GPM6A: variants seen among roughly 807,000 people sequenced by gnomAD.
GPM6A encodes the protein glycoprotein M6A.
In GPM6A, 7 loss-of-function variants were observed where a neutral mutation model predicts 32.1. That is an observed-to-expected ratio of 0.22 (90% confidence interval 0.12 to 0.41). The LOEUF is 0.41. Ranked by LOEUF, GPM6A falls within the 10% of genes least tolerant of loss-of-function variation. The pLI is 1.00. For synonymous variants in GPM6A, 130 were observed against 123.4 expected (o/e 1.05, Z -0.35); for missense variants, 235 against 347.2 (o/e 0.68, Z 2.57).
intron 1 of GPM6A, among the ~76,000 whole-genome samples, chr4:175,799,121 G>A (rs1324592244): frequency 6.6e-6 from 1 of 151,792 alleles, no homozygotes; most frequent in African/African-American, 2.4e-5. Flanking sequence ...CTTTCCCAAC[G>A]TGGCTTTAAA....
intron 1 of GPM6A, among the ~76,000 whole-genome samples, chr4:175,928,618 G>A (rs1738925660): frequency 6.6e-6 from 1 of 152,228 alleles, no homozygotes; most frequent in African/African-American, 2.4e-5. Context: ...GCCCAACGAA[G>A]TGGGCGCTGC....
intron 1 of GPM6A, among the ~76,000 whole-genome samples, chr4:175,875,010 G>A (rs549910203): frequency 6.6e-6 from 1 of 152,292 alleles, no homozygotes; most frequent in Admixed American, 6.5e-5. Context: ...CTATGTGCCT[G>A]CCTCCAATTA....
intron 1 of GPM6A, among the ~76,000 whole-genome samples, chr4:175,771,561 A>C (rs1007213904): frequency 6.6e-6 from 1 of 151,826 alleles, no homozygotes; most frequent in African/African-American, 2.4e-5. Flanking sequence ...CAAAAAAAAA[A>C]AAAAAAAAAG....
chr4:175,822,712 C>A (rs191684568), intron 1 of GPM6A, among the ~76,000 whole-genome samples: 1 of 150,674 alleles, frequency 6.6e-6, no homozygotes, highest in African/African-American at 2.4e-5. Flanking sequence ...TGCAGAACTG[C>A]AGGTTTGTTA....
chr4:175,643,640 G>A (rs762545652), intron 4 of GPM6A, among the ~76,000 whole-genome samples: 44 of 152,090 alleles, frequency 2.9e-4, no homozygotes, highest in Middle Eastern at 3.4e-3. Context: ...CCAACTCACC[G>A]CCCACCAAGG....
intron 1 of GPM6A, among the ~76,000 whole-genome samples, chr4:175,969,872 T>C (rs1381820698): frequency 2.0e-5 from 3 of 152,166 alleles, no homozygotes; most frequent in African/African-American, 7.2e-5. Context: ...TCTATTAATC[T>C]AAAATGGCTC....
chr4:175,651,744 C>A, intron 4 of GPM6A, 90 bp downstream of exon 4: 1 of 956,050 alleles, frequency 1.0e-6, no homozygotes, highest in Non-Finnish European at 1.6e-6. Flanking sequence ...CTGATAATTC[C>A]AAAGTGATCT....
At chr4:175,988,978 G>A (rs1351297417) in intron 1 of GPM6A, among the ~76,000 whole-genome samples, 1 of 152,118 alleles carries the variant, frequency 6.6e-6, no homozygotes, top group African/African-American at 2.4e-5. Context: ...GACTCAACTT[G>A]AGCAGAGCAA....
chr4:175,659,491 T>C (rs1742276922), intron 3 of GPM6A, among the ~76,000 whole-genome samples: 1 of 152,238 alleles, frequency 6.6e-6, no homozygotes, highest in Non-Finnish European at 1.5e-5. Context: ...AAGTATTCAA[T>C]GTCCTTTTTT....
At position 175,701,736 on chromosome 4, in the gene GPM6A, C is replaced by T; in HGVS notation, c.69G>A (p.Gly23=). 6.2e-7 allele frequency: 1 copy of T among 1,612,738 alleles called. No homozygotes were observed. ...GCFECCIKCL[G]GIPYASLIAT... ...CAATCAGAGAGGCATAGGGAATGCCCCCCAGGCATTTGATACAGCATTCAA... is the reference window on the plus strand; with the variant it reads ...CAATCAGAGAGGCATAGGGAATGCCTCCCAGGCATTTGATACAGCATTCAA... The change falls in exon 2 of 7, where the codon GGG becomes GGA. Residue 23 remains glycine, a synonymous_variant. Transcript: ENST00000393658.
chr4:175,812,827 A>C (rs970128833), upstream of GPM6A: 1 of 985,366 alleles, frequency 1.0e-6, no homozygotes, highest in Non-Finnish European at 1.2e-6. Flanking sequence ...TTGCAAAAAA[A>C]CTGTGTTTTC....
chr4:175,740,323 T>G (rs1731840175), intron 1 of GPM6A, among the ~76,000 whole-genome samples: 1 of 152,082 alleles, frequency 6.6e-6, no homozygotes, highest in Non-Finnish European at 1.5e-5. Context: ...TGGATGATAT[T>G]TTGGATGATA....
At chr4:175,680,130 T>C (rs921024998) in intron 2 of GPM6A, among the ~76,000 whole-genome samples, 2 of 152,216 alleles carry the variant, frequency 1.3e-5, no homozygotes, top group Non-Finnish European at 1.5e-5. Context: ...TATCTATATA[T>C]GTGTACATGT....
At chr4:175,640,384 C>T (rs1032904134) in intron 5 of GPM6A, among the ~76,000 whole-genome samples, 190 bp from the exon 6 acceptor site, 1 of 152,110 alleles carries the variant, frequency 6.6e-6, no homozygotes, top group Non-Finnish European at 1.5e-5. Context: ...ATCCTTTCAA[C>T]TTCATCATTA....
At chr4:175,879,559 T>C (rs957421397) in intron 1 of GPM6A, among the ~76,000 whole-genome samples, 2 of 152,138 alleles carry the variant, frequency 1.3e-5, no homozygotes, top group African/African-American at 4.8e-5. Context: ...TCATTCACTA[T>C]CATGAGAACA....
chr4:175,716,497 C>T (rs1745851139), intron 1 of GPM6A, among the ~76,000 whole-genome samples: 1 of 151,958 alleles, frequency 6.6e-6, no homozygotes, highest in Non-Finnish European at 1.5e-5. Context: ...ACTTGTTGTG[C>T]ACATCATACA....
chr4:175,952,678 A>G (rs1443394761), intron 1 of GPM6A, among the ~76,000 whole-genome samples: 3 of 152,172 alleles, frequency 2.0e-5, no homozygotes, highest in Admixed American at 6.5e-5. Flanking sequence ...CCACAAAATC[A>G]TATAATAAAA....
rs150986385 is a variant in GPM6A at position 175,683,748 on chromosome 4, A to T, written c.231-9912T>A. 9.9e-4 allele frequency among the ~76,000 whole-genome samples: 151 copies of T among 152,022 alleles called. 1 individual carries two copies. The highest frequency in any genetic ancestry group is 1.6e-3 in the Admixed American group (25 of 15,280). On this transcript the variant is annotated intron_variant, in intron 2 of 6. Transcript: ENST00000393658. The stretch of plus-strand genomic sequence containing the variant: ...CTTTGCCTCCCACTATGATAGGAAG[A>T]TTCCTGAGGACTGCCCAGTAATAGA...
intron 2 of GPM6A, among the ~76,000 whole-genome samples, chr4:175,682,954 C>T (rs922873115): frequency 3.9e-5 from 6 of 152,164 alleles, no homozygotes; most frequent in African/African-American, 1.4e-4. Flanking sequence ...CAGGGCACTG[C>T]CTAGTGGAAC....
Sources: allele counts gnomAD v4.1 joint callset (sites outside exome capture counted in the v4.1 genomes callset), GRCh38; gene constraint gnomAD v4.1.1; transcripts MANE v1.5; gene names NCBI Gene and HGNC (gene_info 2026-07-23, HGNC 2026-07-21).